The following ARHGAP15 variants were observed in gnomAD, a reference collection of about 807,000 sequenced individuals.
ARHGAP15 encodes Rho GTPase activating protein 15, also known as rho GTPase-activating protein 15.
A neutral mutation model predicts 63.7 loss-of-function variants in ARHGAP15; 51 were observed. The observed-to-expected ratio is 0.80, with a 90% CI of 0.64 to 1.01. ARHGAP15 has a LOEUF of 1.01. ARHGAP15 is among the 50% of genes least tolerant of loss of function. The pLI is 0.00. For missense variants in ARHGAP15, 560 were observed against 564.6 expected (o/e 0.99, Z 0.08); for synonymous variants, 191 against 193.8 (o/e 0.99, Z 0.12).
intron 5 of ARHGAP15, among the ~76,000 whole-genome samples, chr2:143,249,218 A>G (rs1378801740): frequency 3.3e-5 from 5 of 152,126 alleles, no homozygotes; most frequent in Admixed American, 3.3e-4. Flanking sequence ...TAGATATGCT[A>G]TCAAATTCTA....
intron 6 of ARHGAP15, among the ~76,000 whole-genome samples, chr2:143,383,549 T>C (rs1357882943): frequency 6.6e-6 from 1 of 152,202 alleles, no homozygotes; most frequent in Non-Finnish European, 1.5e-5. Flanking sequence ...ATGCCAAATA[T>C]GGAAAGTATA....
At chr2:143,468,667 T>A (rs762918887) in intron 8 of ARHGAP15, among the ~76,000 whole-genome samples, 3 of 148,726 alleles carry the variant, frequency 2.0e-5, no homozygotes, top group African/African-American at 7.7e-5. Flanking sequence ...AGAGAGAGTG[T>A]GTGTGTGTGT....
chr2:143,314,606 G>C (rs1368020533), intron 6 of ARHGAP15: 2 of 151,856 alleles, frequency 1.3e-5, no homozygotes, highest in Non-Finnish European at 2.9e-5. Flanking sequence ...TGGTTTTCAA[G>C]GGAGAAAAAA....
chr2:143,233,376 A>G (rs1461579870), intron 5 of ARHGAP15, among the ~76,000 whole-genome samples: 1 of 151,960 alleles, frequency 6.6e-6, no homozygotes, highest in South Asian at 2.1e-4. Flanking sequence ...TGAATATAGA[A>G]TTTTTAGTTG....
At chr2:143,385,758 G>C (rs1687262246) in intron 6 of ARHGAP15, among the ~76,000 whole-genome samples, 1 of 152,002 alleles carries the variant, frequency 6.6e-6, no homozygotes, top group Non-Finnish European at 1.5e-5. Context: ...TGTATTAGAT[G>C]AAACAAACTA....
At chr2:143,314,257 T>G (rs1683593777) in intron 6 of ARHGAP15, among the ~76,000 whole-genome samples, 1 of 152,236 alleles carries the variant, frequency 6.6e-6, no homozygotes, top group Non-Finnish European at 1.5e-5. Flanking sequence ...GTGAATTTTA[T>G]TTTATTTTTA....
intron 9 of ARHGAP15, among the ~76,000 whole-genome samples, chr2:143,512,943 C>G (rs754134840): frequency 3.3e-5 from 5 of 152,238 alleles, no homozygotes; most frequent in Admixed American, 3.3e-4. Context: ...TAGAAACAAC[C>G]ACCTCAGTCT....
chr2:143,565,781 A>C (rs1696195043), intron 11 of ARHGAP15, among the ~76,000 whole-genome samples: 1 of 152,196 alleles, frequency 6.6e-6, no homozygotes, highest in Non-Finnish European at 1.5e-5. Context: ...ATAACTTGGC[A>C]TGCCATCTTA....
intron 13 of ARHGAP15, among the ~76,000 whole-genome samples, chr2:143,728,327 G>A (rs1407976251): frequency 6.6e-6 from 1 of 152,002 alleles, no homozygotes; most frequent in Admixed American, 6.6e-5. Context: ...CCACCCTAAT[G>A]GCCTTATTTT....
chr2:143,376,812 A>G (rs1686830389), intron 6 of ARHGAP15, among the ~76,000 whole-genome samples: 2 of 152,084 alleles, frequency 1.3e-5, no homozygotes, highest in Admixed American at 1.3e-4. Context: ...GTCTCAGCTC[A>G]GTTTAATATT....
chr2:143,388,849 T>C (rs955325588), intron 6 of ARHGAP15, among the ~76,000 whole-genome samples: 1 of 152,086 alleles, frequency 6.6e-6, no homozygotes, highest in Non-Finnish European at 1.5e-5. Flanking sequence ...AAAATCTTTT[T>C]AAAGGATTAA....
intron 9 of ARHGAP15, among the ~76,000 whole-genome samples, chr2:143,488,300 C>A (rs1692419241): frequency 6.6e-6 from 1 of 152,104 alleles, no homozygotes; most frequent in Admixed American, 6.5e-5. Flanking sequence ...TATGAATGCC[C>A]ACTGCTTATT....
At chr2:143,387,200 G>A (rs187982678) in intron 6 of ARHGAP15, among the ~76,000 whole-genome samples, 36 of 152,188 alleles carry the variant, frequency 2.4e-4, no homozygotes, top group African/African-American at 8.7e-4. Flanking sequence ...ATGAAAAAGA[G>A]TTCAGATAGT....
intron 6 of ARHGAP15, among the ~76,000 whole-genome samples, chr2:143,271,292 G>T (rs751376398): frequency 6.6e-6 from 1 of 152,148 alleles, no homozygotes; most frequent in Non-Finnish European, 1.5e-5. Flanking sequence ...TAAATTACAA[G>T]TTTTCTGTTA....
At chr2:143,422,091 T>C (rs1688947706) in intron 6 of ARHGAP15, among the ~76,000 whole-genome samples, 1 of 152,090 alleles carries the variant, frequency 6.6e-6, no homozygotes, top group African/African-American at 2.4e-5. Context: ...TGCATATAAG[T>C]CTCATCTAAT....
intron 8 of ARHGAP15, among the ~76,000 whole-genome samples, chr2:143,468,657 AGAGAGAGT>A (rs930785863): frequency 1.5e-4 from 18 of 122,294 alleles, no homozygotes; most frequent in Middle Eastern, 8.5e-3. Flanking sequence ...AGAGAGAGAG[AGAGAGAGT>A]GTGTGTGTGT....
intron 11 of ARHGAP15, among the ~76,000 whole-genome samples, chr2:143,606,080 C>G: frequency 8.8e-6 from 1 of 113,116 alleles, no homozygotes; most frequent in Non-Finnish European, 1.8e-5. Flanking sequence ...AGCCATACAT[C>G]TGTCTCTTTC....
intron 8 of ARHGAP15, among the ~76,000 whole-genome samples, chr2:143,461,721 A>G (rs1255887489): frequency 1.3e-5 from 2 of 152,196 alleles, no homozygotes; most frequent in African/African-American, 4.8e-5. Flanking sequence ...GACTGTAAAG[A>G]AAAATTCAAT....
At chr2:143,604,804 A>G (rs1697921112) in intron 11 of ARHGAP15, among the ~76,000 whole-genome samples, 1 of 152,182 alleles carries the variant, frequency 6.6e-6, no homozygotes, top group Admixed American at 6.5e-5. Context: ...TTTCTCCTAA[A>G]TGCTCTGCTC....
Sources: gnomAD v4.1 joint callset for allele counts (sites outside exome capture counted in the v4.1 genomes callset) on GRCh38, gnomAD v4.1.1 for gene constraint, MANE v1.5 for transcripts, NCBI Gene and HGNC (gene_info 2026-07-23, HGNC 2026-07-21) for gene names.